Variants in MACROD2 observed in about 807,000 individuals in gnomAD.
MACROD2 encodes the protein mono-ADP ribosylhydrolase 2, also known as ADP-ribose glycohydrolase MACROD2.
Under a neutral mutation model 70.4 loss-of-function variants are expected in MACROD2, and 36 were observed. The ratio of observed to expected loss-of-function variants is 0.51; its 90% confidence interval spans 0.39 to 0.68. MACROD2 has a LOEUF of 0.68. MACROD2 is among the 30% of genes least tolerant of loss of function. The probability of loss-of-function intolerance (pLI) is 0.00; values close to 1 mark genes in which losing one functional copy is unlikely to be tolerated. For missense variants in MACROD2, 496 were observed against 538.4 expected, an observed-to-expected ratio of 0.92 and a Z score of 0.78; for synonymous variants, 172 against 178.8, an observed-to-expected ratio of 0.96 and a Z score of 0.30.
intron 8 of MACROD2, among the ~76,000 whole-genome samples, chr20:15,704,407 A>G (rs1351569714): frequency 6.6e-6 from 1 of 152,188 alleles, no homozygotes; most frequent in African/African-American, 2.4e-5. Flanking sequence ...CTACTACAAA[A>G]ACCTGCATAA....
At chr20:15,062,656 T>C (rs1297386462) in intron 5 of MACROD2, among the ~76,000 whole-genome samples, 1 of 152,214 alleles carries the variant, frequency 6.6e-6, no homozygotes, top group Non-Finnish European at 1.5e-5. Context: ...ATTAATCTAT[T>C]GATCACATAT....
intron 13 of MACROD2, among the ~76,000 whole-genome samples, chr20:15,979,173 A>G: frequency 6.6e-6 from 1 of 152,236 alleles, no homozygotes; most frequent in East Asian, 1.9e-4. Flanking sequence ...TGCAGTAACA[A>G]ATAACCCCAA....
chr20:15,209,721 A>G (rs922444929), intron 5 of MACROD2, among the ~76,000 whole-genome samples: 3 of 152,224 alleles, frequency 2.0e-5, no homozygotes, highest in Non-Finnish European at 2.9e-5. Flanking sequence ...TGTGGCTGAC[A>G]GTACATGCAT....
At chr20:15,458,827 T>C (rs1044506430) in intron 7 of MACROD2, among the ~76,000 whole-genome samples, 3 of 152,062 alleles carry the variant, frequency 2.0e-5, no homozygotes, top group Non-Finnish European at 2.9e-5. Flanking sequence ...GAGGACAGCA[T>C]TGGGCAAATG....
At chr20:14,391,738 T>A (rs1331693332) in intron 3 of MACROD2, among the ~76,000 whole-genome samples, 1 of 149,662 alleles carries the variant, frequency 6.7e-6, no homozygotes, top group East Asian at 2.0e-4. Flanking sequence ...AAATATTGCA[T>A]GTTCTCACTT....
chr20:14,316,219 AGT>A (rs2083303554), intron 3 of MACROD2, among the ~76,000 whole-genome samples: 1 of 152,186 alleles, frequency 6.6e-6, no homozygotes, highest in Admixed American at 6.5e-5. Context: ...AAGAAAGACA[AGT>A]GTTACTTTTA....
chr20:14,343,769 T>A (rs1240964828), intron 3 of MACROD2, among the ~76,000 whole-genome samples: 1 of 152,224 alleles, frequency 6.6e-6, no homozygotes, highest in Non-Finnish European at 1.5e-5. Context: ...GAGGAATGAC[T>A]AACAGTTAAT....
chr20:15,696,092 G>C (rs530121960), intron 8 of MACROD2, among the ~76,000 whole-genome samples: 3 of 152,160 alleles, frequency 2.0e-5, no homozygotes, highest in Non-Finnish European at 4.4e-5. Context: ...GAAGAGAAGT[G>C]GTGAGAGTGG....
At chr20:14,906,584 T>C (rs6042992) in intron 5 of MACROD2, among the ~76,000 whole-genome samples, 134,977 of 152,286 alleles carry the variant, frequency 0.89, 59,874 homozygotes, top group East Asian at 1. Context: ...TTTTTGTGAA[T>C]AGGATTTAGC....
chr20:14,485,575 C>T (rs1274669403), intron 3 of MACROD2, among the ~76,000 whole-genome samples: 1 of 151,908 alleles, frequency 6.6e-6, no homozygotes, highest in South Asian at 2.1e-4. Context: ...GTGGCAGGCA[C>T]CTGTAGTCCC....
At chr20:15,217,800 A>T (rs181201383) in intron 5 of MACROD2, among the ~76,000 whole-genome samples, 2 of 152,132 alleles carry the variant, frequency 1.3e-5, no homozygotes, top group Non-Finnish European at 2.9e-5. Flanking sequence ...CCTGATACTC[A>T]TCAAAGCCTG....
chr20:15,405,206 AGGT>A (rs1176882448), intron 6 of MACROD2, among the ~76,000 whole-genome samples: 2 of 149,874 alleles, frequency 1.3e-5, no homozygotes, highest in African/African-American at 4.9e-5. Flanking sequence ...AATTAGGCAG[AGGT>A]GGTGGTGGTT....
intron 5 of MACROD2, among the ~76,000 whole-genome samples, chr20:14,866,432 A>G (rs2073428367): frequency 7.2e-5 from 11 of 152,134 alleles, no homozygotes; most frequent in Admixed American, 7.2e-4. Context: ...ACTGAAATTA[A>G]AATTTAGGTA....
chr20:15,454,222 T>C (rs2046684989), intron 7 of MACROD2, among the ~76,000 whole-genome samples: 1 of 152,150 alleles, frequency 6.6e-6, no homozygotes, highest in Admixed American at 6.6e-5. Flanking sequence ...GTATCTTTAA[T>C]AAGAACAGAG....
intron 4 of MACROD2, among the ~76,000 whole-genome samples, chr20:14,537,966 C>T (rs1429441442): frequency 1.3e-5 from 2 of 152,178 alleles, no homozygotes; most frequent in African/African-American, 4.8e-5. Flanking sequence ...ATGTGGATCT[C>T]AAAATACCAT....
chr20:14,487,248 A>G (rs985261783), intron 3 of MACROD2, among the ~76,000 whole-genome samples: 1 of 152,032 alleles, frequency 6.6e-6, no homozygotes, highest in African/African-American at 2.4e-5. Context: ...GCCAGGCTCC[A>G]TGACATACAT....
intron 3 of MACROD2, among the ~76,000 whole-genome samples, chr20:14,361,540 T>C (rs943182753): frequency 6.6e-6 from 1 of 152,294 alleles, no homozygotes; most frequent in Non-Finnish European, 1.5e-5. Flanking sequence ...AACCAAATGA[T>C]ACATGTTTAA....
intron 6 of MACROD2, among the ~76,000 whole-genome samples, chr20:15,421,321 G>C (rs1215197357): frequency 6.6e-6 from 1 of 152,062 alleles, no homozygotes; most frequent in East Asian, 1.9e-4. Context: ...TGAGGCTGCA[G>C]TGAGCCATAA....
chr20:15,544,374 A>G (rs2047999755), intron 8 of MACROD2, among the ~76,000 whole-genome samples: 1 of 152,152 alleles, frequency 6.6e-6, no homozygotes, highest in African/African-American at 2.4e-5. Context: ...ATTTTTCTCA[A>G]TTGTTTTGAA....
Sources: allele counts gnomAD v4.1 joint callset (sites outside exome capture counted in the v4.1 genomes callset), GRCh38; gene constraint gnomAD v4.1.1; transcripts MANE v1.5; gene names NCBI Gene and HGNC (gene_info 2026-07-23, HGNC 2026-07-21).